Variants in TASP1 observed in about 807,000 individuals in gnomAD.
The protein encoded by TASP1 is taspase 1, also known as threonine aspartase 1.
A neutral mutation model predicts 56.6 loss-of-function variants in TASP1; 16 were observed. The ratio of observed to expected loss-of-function variants is 0.28; its 90% CI spans 0.19 to 0.43. The LOEUF (loss-of-function observed/expected upper bound fraction) is 0.43, where lower values mean the gene tolerates loss of function less well. Ranked by LOEUF, TASP1 falls within the 20% of genes least tolerant of loss-of-function variation. TASP1 has a pLI of 1.00. For synonymous variants in TASP1, 179 were observed against 184.2 expected, an observed-to-expected ratio of 0.97 and a Z score of 0.23; for missense variants, 393 against 511.6, an observed-to-expected ratio of 0.77 and a Z score of 2.24.
intron 13 of TASP1, among the ~76,000 whole-genome samples, chr20:13,413,634 G>T (rs867907227): frequency 6.6e-6 from 1 of 152,150 alleles, no homozygotes; most frequent in African/African-American, 2.4e-5. Context: ...TAAACCAAGG[G>T]TGATATTTTT....
At chr20:13,546,044 TATTGTTTAATTCCTTCGGATC>T (rs2045798202) in intron 8 of TASP1, among the ~76,000 whole-genome samples, 1 of 152,204 alleles carries the variant, frequency 6.6e-6, no homozygotes. Context: ...GATTTCTTTT[TATTGTTTAATTCCTTCGGATC>T]AAATACATAA....
the TASP1 span, among the ~76,000 whole-genome samples, chr20:13,341,465 T>C: frequency 6.6e-6 from 1 of 152,162 alleles, no homozygotes; most frequent in Non-Finnish European, 1.5e-5. Context: ...AGCCCTCTTT[T>C]CCGTAACATG....
chr20:13,313,246 C>T, the TASP1 span, among the ~76,000 whole-genome samples: 63 of 152,308 alleles, frequency 4.1e-4, no homozygotes, highest in Admixed American at 4.1e-3. Flanking sequence ...TAACAATTTC[C>T]CCCCACACGC....
At chr20:13,184,261 G>A in the TASP1 span, among the ~76,000 whole-genome samples, 4 of 152,060 alleles carry the variant, frequency 2.6e-5, no homozygotes, top group East Asian at 1.9e-4. Flanking sequence ...ATACAAATAA[G>A]CCCAGGTACC....
chr20:13,550,706 C>A (rs185120620), intron 8 of TASP1, among the ~76,000 whole-genome samples: 27 of 152,226 alleles, frequency 1.8e-4, no homozygotes, highest in African/African-American at 6.5e-4. Flanking sequence ...CCTTTTCCTG[C>A]ACTCTTAATA....
At chr20:13,420,867 A>ATAT (rs1641198049) in intron 12 of TASP1, among the ~76,000 whole-genome samples, 1 of 152,164 alleles carries the variant, frequency 6.6e-6, no homozygotes, top group Non-Finnish European at 1.5e-5. Flanking sequence ...TTTCATTGTT[A>ATAT]TATTACTCTG....
In TASP1 at chr20:13,562,671, G is replaced by C. The variant is rs572525344; in HGVS notation, c.569-3557C>G. The stretch of plus-strand genomic sequence containing the variant: ...GTGGGTGAATCACTTGAATACAGGA[G>C]TTCGAGACCAGCCTGGGCAACATGG... On this transcript the variant is annotated intron_variant, in intron 7 of 13. Coordinates refer to ENST00000337743, the MANE Select transcript of TASP1 (RefSeq NM_017714.3). Among the ~76,000 whole-genome samples, 7 of 152,016 alleles carry C rather than the reference G, an allele frequency of 4.6e-5. No individual in the cohort carries two copies. The East Asian group carries it at 1.4e-3, about 30-fold the overall frequency.
intron 10 of TASP1, among the ~76,000 whole-genome samples, chr20:13,500,554 TGGGAAAC>T (rs2043908498): frequency 6.6e-6 from 1 of 151,572 alleles, no homozygotes; most frequent in South Asian, 2.1e-4. Context: ...TCCTAAAAGA[TGGGAAAC>T]TCCAACATAG....
intron 11 of TASP1, among the ~76,000 whole-genome samples, chr20:13,463,516 T>C (rs1441348702): frequency 6.6e-6 from 1 of 151,962 alleles, no homozygotes; most frequent in East Asian, 1.9e-4. Flanking sequence ...ACAGGCAAAT[T>C]AGATCACATC....
intron 11 of TASP1, among the ~76,000 whole-genome samples, chr20:13,468,014 C>T (rs1422160211): frequency 1.3e-5 from 2 of 149,370 alleles, no homozygotes; most frequent in African/African-American, 4.9e-5. Flanking sequence ...AAAACTCCAT[C>T]TCAAAAAAAC....
the TASP1 span, among the ~76,000 whole-genome samples, chr20:13,240,979 A>G: frequency 2.0e-5 from 3 of 152,216 alleles, no homozygotes; most frequent in Admixed American, 6.5e-5. Flanking sequence ...TGAAGTGGAC[A>G]GGGAGCTGAG....
At chr20:13,504,024 A>G (rs1056573896) in intron 10 of TASP1, among the ~76,000 whole-genome samples, 2 of 152,132 alleles carry the variant, frequency 1.3e-5, no homozygotes, top group Non-Finnish European at 2.9e-5. Flanking sequence ...AAGAGAAAGA[A>G]AGACACATAG....
the TASP1 span, among the ~76,000 whole-genome samples, chr20:13,339,023 T>G: frequency 7.3e-4 from 111 of 152,118 alleles, no homozygotes; most frequent in Middle Eastern, 3.4e-3. Flanking sequence ...TAATCATACA[T>G]CATAGGAAAG....
the TASP1 span, among the ~76,000 whole-genome samples, chr20:13,241,048 A>T: frequency 6.6e-6 from 1 of 152,196 alleles, no homozygotes; most frequent in African/African-American, 2.4e-5. Context: ...CACAGAAGCC[A>T]GGGGAGAAGA....
the TASP1 span, chr20:13,221,944 C>G: frequency 2.3e-6 from 3 of 1,311,544 alleles, no homozygotes; most frequent in East Asian, 6.3e-5. Flanking sequence ...GGGCCGTGCG[C>G]GGCTGCGGGG....
chr20:13,602,004 G>T (rs2047979976), intron 4 of TASP1, among the ~76,000 whole-genome samples: 1 of 150,152 alleles, frequency 6.7e-6, no homozygotes, highest in African/African-American at 2.5e-5. Flanking sequence ...AGCCTCCCGA[G>T]TAGCTGGGAC....
the TASP1 span, among the ~76,000 whole-genome samples, chr20:13,362,046 C>T: frequency 2.0e-5 from 3 of 149,466 alleles, no homozygotes; most frequent in Admixed American, 6.7e-5. Flanking sequence ...CACAATATCA[C>T]CCCTTGCCAC....
At chr20:13,221,262 C>CTCT in the TASP1 span, among the ~76,000 whole-genome samples, 1 of 132,002 alleles carries the variant, frequency 7.6e-6, no homozygotes, top group African/African-American at 3.4e-5. Flanking sequence ...CCTCCTCCTC[C>CTCT]TTCTCCTTCT....
In TASP1 at chr20:13,474,394, T is replaced by C. The variant is rs190582129; in HGVS notation, c.985+8833A>G. ...AGTGAGAACATATGATATTTGGTTT[T>C]CTATTCTTGAGTGACTTCACTTAGA... is the stretch of plus-strand genomic sequence containing the variant. On this transcript the variant is annotated intron_variant, in intron 11 of 13. Transcript: ENST00000337743. Among the ~76,000 whole-genome samples the C allele has an allele frequency of 4.4e-4, 67 of 152,350 alleles. 1 individual carries two copies. The highest frequency in any genetic ancestry group is 2.2e-3 in the Admixed American group (33 of 15,292).
Sources: allele counts gnomAD v4.1 joint callset (sites outside exome capture counted in the v4.1 genomes callset), GRCh38; gene constraint gnomAD v4.1.1; transcripts MANE v1.5; gene names NCBI Gene and HGNC (gene_info 2026-07-23, HGNC 2026-07-21).